Variants in EPM2A observed in about 807,000 individuals in gnomAD.
EPM2A encodes the protein EPM2A glucan phosphatase, laforin, also known as laforin.
Under a neutral mutation model 26.5 loss-of-function variants are expected in EPM2A, and 21 were observed. That is an observed-to-expected ratio of 0.79 (90% CI 0.56 to 1.14). The LOEUF (loss-of-function observed/expected upper bound fraction) is 1.14, where lower values mean the gene tolerates loss of function less well. Among genes scored for constraint, EPM2A ranks in the 50% most tolerant of loss-of-function variants. The pLI is 0.00. For synonymous variants in EPM2A, 217 were observed against 177.6 expected (o/e 1.22, Z -1.76); for missense variants, 458 against 440.8 (o/e 1.04, Z -0.35).
chr6:145,472,715 T>C (rs1779491942), intron 4 of EPM2A, among the ~76,000 whole-genome samples: 1 of 152,084 alleles, frequency 6.6e-6, no homozygotes, highest in Non-Finnish European at 1.5e-5. Flanking sequence ...AAGAACTGTA[T>C]CTTGTGTTTT....
intron 2 of EPM2A, among the ~76,000 whole-genome samples, chr6:145,675,381 T>C (rs942379194): frequency 4.6e-5 from 7 of 152,250 alleles, no homozygotes; most frequent in African/African-American, 1.7e-4. Context: ...CATCAATTAA[T>C]GGGCAAAATA....
At chr6:145,434,912 C>T (rs1178092246) in intron 4 of EPM2A, among the ~76,000 whole-genome samples, 3 of 152,030 alleles carry the variant, frequency 2.0e-5, no homozygotes, top group African/African-American at 7.2e-5. Context: ...TCCCTCATGG[C>T]TTGGTGCTGT....
chr6:145,666,089 C>G (rs12524785), intron 2 of EPM2A, among the ~76,000 whole-genome samples: 71,349 of 138,870 alleles, frequency 0.51, 18,784 homozygotes, highest in East Asian at 0.63. Context: ...GAAGCATTCC[C>G]TTTGAAAACT....
At chr6:145,387,198 T>C (rs1052479170) in intron 4 of EPM2A, among the ~76,000 whole-genome samples, 1 of 152,152 alleles carries the variant, frequency 6.6e-6, no homozygotes, top group Non-Finnish European at 1.5e-5. Context: ...TTTGTTCTGT[T>C]TGCAGGATTA....
chr6:145,463,421 A>T (rs1779350119), intron 4 of EPM2A: 1 of 152,044 alleles, frequency 6.6e-6, no homozygotes, highest in Non-Finnish European at 1.5e-5. Flanking sequence ...CTCCCATGCA[A>T]TATGTAAGAT....
intron 2 of EPM2A, among the ~76,000 whole-genome samples, chr6:145,550,858 T>TC (rs1303882571): frequency 6.6e-6 from 1 of 152,012 alleles, no homozygotes; most frequent in Non-Finnish European, 1.5e-5. Context: ...TGTCCTTCCT[T>TC]CCAGTAAGGA....
At chr6:145,528,790 A>T (rs1780314913) in intron 2 of EPM2A, among the ~76,000 whole-genome samples, 1 of 152,148 alleles carries the variant, frequency 6.6e-6, no homozygotes, top group Non-Finnish European at 1.5e-5. Context: ...ATAGAGCTAT[A>T]GTTGCCTTAA....
chr6:145,523,824 T>G (rs999448845), intron 2 of EPM2A, among the ~76,000 whole-genome samples: 3 of 152,156 alleles, frequency 2.0e-5, no homozygotes, highest in African/African-American at 7.2e-5. Flanking sequence ...ATGTGCAGGT[T>G]TGTCACATGG....
At chr6:145,506,299 A>G (rs1562362175) in intron 2 of EPM2A, among the ~76,000 whole-genome samples, 1 of 152,212 alleles carries the variant, frequency 6.6e-6, no homozygotes, top group Non-Finnish European at 1.5e-5. Flanking sequence ...AACCTTTGCA[A>G]AGAATTTGCA....
At position 145,554,459 on chromosome 6, in the gene EPM2A, G is replaced by GATAGATAGATAC. The variant is rs1554250301; in HGVS notation, c.341-51896_341-51885dup. Among the ~76,000 whole-genome samples the GATAGATAGATAC allele has an allele frequency of 4.6e-3, 691 of 151,600 alleles. 2 individuals are homozygous for GATAGATAGATAC. The highest frequency in any genetic ancestry group is 6.5e-3 in the Non-Finnish European group (441 of 67,896). ...AGATAGATAGATAGATAGATAGATAGATAGATAGATACATAGACAGAGAGA... is the reference window on the plus strand; with the variant it reads ...AGATAGATAGATAGATAGATAGATAGATAGATAGATACATAGATAGATACATAGACAGAGAGA... On this transcript the variant is annotated intron_variant, in intron 2 of 3. Coordinates refer to the EPM2A transcript ENST00000450221.
At chr6:145,712,162 A>T (rs1775367517) in intron 1 of EPM2A, among the ~76,000 whole-genome samples, 1 of 152,176 alleles carries the variant, frequency 6.6e-6, no homozygotes, top group African/African-American at 2.4e-5. Flanking sequence ...TATGATAGAT[A>T]ATTCATTTTA....
chr6:145,732,083 A>ATTC (rs1274102882), intron 1 of EPM2A, among the ~76,000 whole-genome samples: 1 of 152,148 alleles, frequency 6.6e-6, no homozygotes, highest in Non-Finnish European at 1.5e-5. Context: ...ATTTCTTGAA[A>ATTC]ATTTTCCAAA....
At chr6:145,496,731 T>TG (rs1779825603), downstream of EPM2A, among the ~76,000 whole-genome samples, 6 of 120,188 alleles carry the variant, frequency 5.0e-5, no homozygotes, top group African/African-American at 1.4e-4. Context: ...TCCTGCAATT[T>TG]TTTTTTTTTT....
intron 4 of EPM2A, among the ~76,000 whole-genome samples, chr6:145,407,578 T>C (rs1778586575): frequency 6.6e-6 from 1 of 152,156 alleles, no homozygotes; most frequent in Non-Finnish European, 1.5e-5. Flanking sequence ...GTTTTCACAA[T>C]TTAAAATTCT....
At chr6:145,509,313 A>AAAAGAAAATCTTAAAGACAGAT (rs930484743) in intron 2 of EPM2A, among the ~76,000 whole-genome samples, 5 of 152,316 alleles carry the variant, frequency 3.3e-5, no homozygotes, top group Admixed American at 1.3e-4. Context: ...TCAATGCAAA[A>AAAAGAAAATCTTAAAGACAGAT]AAAGAAAATC....
intron 4 of EPM2A, among the ~76,000 whole-genome samples, chr6:145,486,987 C>T (rs1280244139): frequency 6.6e-6 from 1 of 152,020 alleles, no homozygotes; most frequent in Non-Finnish European, 1.5e-5. Context: ...TATCCTCTCC[C>T]TCCTCTCACC....
At chr6:145,711,526 G>C (rs912423718) in intron 1 of EPM2A, among the ~76,000 whole-genome samples, 42 of 152,296 alleles carry the variant, frequency 2.8e-4, no homozygotes, top group African/African-American at 8.9e-4. Context: ...GCCCAGAAGA[G>C]AGATTAGAGC....
intron 2 of EPM2A, chr6:145,637,234 T>C (rs1161322358): frequency 1.3e-5 from 2 of 152,228 alleles, no homozygotes; most frequent in African/African-American, 4.8e-5. Flanking sequence ...TTTCCTATAT[T>C]CTTCATTTGA....
intron 2 of EPM2A, chr6:145,680,162 T>C (rs745772774): frequency 4.0e-5 from 6 of 151,698 alleles, no homozygotes; most frequent in Non-Finnish European, 7.4e-5. Flanking sequence ...GGAGGTTGGG[T>C]GGGGGAAAGA....
Sources: gnomAD v4.1 joint callset for allele counts (sites outside exome capture counted in the v4.1 genomes callset) on GRCh38, gnomAD v4.1.1 for gene constraint, MANE v1.5 for transcripts, NCBI Gene and HGNC (gene_info 2026-07-23, HGNC 2026-07-21) for gene names.